The following GPATCH2 variants were observed in gnomAD, a reference collection of about 807,000 sequenced individuals.
GPATCH2 encodes the protein G-patch domain containing 2.
GPATCH2 carries 51 observed loss-of-function variants against 58.0 expected under a neutral mutation model. The observed-to-expected ratio is 0.88, with a 90% CI of 0.70 to 1.11. GPATCH2 has a LOEUF of 1.11. Ranked by LOEUF, GPATCH2 falls within the 50% of genes most tolerant of loss-of-function variation. The pLI, the probability that GPATCH2 is intolerant of heterozygous loss-of-function variation, is 0.00. For synonymous variants in GPATCH2, 222 were observed against 218.5 expected (o/e 1.02, Z -0.14); for missense variants, 625 against 652.2 (o/e 0.96, Z 0.45).
At chr1:217,541,471 C>T (rs1431484270) in intron 5 of GPATCH2, among the ~76,000 whole-genome samples, 1 of 152,114 alleles carries the variant, frequency 6.6e-6, no homozygotes, top group African/African-American at 2.4e-5. Context: ...GATGTCCTGT[C>T]ACAGCAGTTA....
intron 5 of GPATCH2, among the ~76,000 whole-genome samples, chr1:217,570,084 A>G (rs1195863040): frequency 6.6e-6 from 1 of 152,104 alleles, no homozygotes; most frequent in Non-Finnish European, 1.5e-5. Flanking sequence ...AGATATTTTG[A>G]TCAATAAATG....
chr1:217,619,301 A>G (rs1669064026), intron 2 of GPATCH2, among the ~76,000 whole-genome samples: 2 of 152,206 alleles, frequency 1.3e-5, no homozygotes, highest in African/African-American at 4.8e-5. Flanking sequence ...TTTAAAATTC[A>G]TAAGTGATCA....
chr1:217,463,669 A>G (rs2102491262), intron 8 of GPATCH2, among the ~76,000 whole-genome samples: 1 of 148,472 alleles, frequency 6.7e-6, no homozygotes, highest in East Asian at 2.0e-4. Context: ...AAAAAAAAAA[A>G]AAAAAGGCAG....
chr1:217,451,477 T>C (rs1219343694), intron 8 of GPATCH2, among the ~76,000 whole-genome samples: 1 of 152,234 alleles, frequency 6.6e-6, no homozygotes, highest in African/African-American at 2.4e-5. Context: ...TTACTCCATA[T>C]ACACTTGAGC....
chr1:217,530,468 A>G (rs1664134809), intron 5 of GPATCH2, among the ~76,000 whole-genome samples: 1 of 152,184 alleles, frequency 6.6e-6, no homozygotes, highest in Non-Finnish European at 1.5e-5. Flanking sequence ...GCAAAGTACA[A>G]TCTCAATAAT....
At chr1:217,584,350 T>TAC (rs1319596559) in intron 5 of GPATCH2, among the ~76,000 whole-genome samples, 1 of 56,450 alleles carries the variant, frequency 1.8e-5, no homozygotes, top group Non-Finnish European at 3.9e-5. Context: ...AAAAAATATA[T>TAC]ATATATATAT....
intron 8 of GPATCH2, among the ~76,000 whole-genome samples, chr1:217,468,560 C>G (rs200598849): frequency 0.012 from 1,435 of 115,200 alleles, 13 homozygotes; most frequent in Middle Eastern, 0.057. Context: ...CACACACACA[C>G]ACAGAGAGAA....
At chr1:217,446,097 C>G (rs1659375856) in intron 9 of GPATCH2, among the ~76,000 whole-genome samples, 1 of 152,044 alleles carries the variant, frequency 6.6e-6, no homozygotes, top group Admixed American at 6.6e-5. Flanking sequence ...ACATATAAAT[C>G]AGAGGGGATT....
At chr1:217,507,528 T>G (rs1662622041) in intron 6 of GPATCH2, among the ~76,000 whole-genome samples, 1 of 152,196 alleles carries the variant, frequency 6.6e-6, no homozygotes, top group South Asian at 2.1e-4. Flanking sequence ...GAGTCTCAGT[T>G]TCTTCCTCAT....
At chr1:217,516,783 C>T (rs548945839) in intron 5 of GPATCH2, among the ~76,000 whole-genome samples, 3 of 152,252 alleles carry the variant, frequency 2.0e-5, no homozygotes, top group African/African-American at 7.2e-5. Flanking sequence ...TATCAGAAAA[C>T]TAAACTTTTT....
At chr1:217,542,417 T>C (rs751859717) in intron 5 of GPATCH2, among the ~76,000 whole-genome samples, 2 of 152,156 alleles carry the variant, frequency 1.3e-5, no homozygotes, top group Non-Finnish European at 2.9e-5. Context: ...GTGAAAGTCA[T>C]CAAGAATCAA....
intron 2 of GPATCH2, among the ~76,000 whole-genome samples, chr1:217,618,273 G>A (rs892747995): frequency 1.4e-5 from 2 of 144,382 alleles, no homozygotes; most frequent in African/African-American, 2.6e-5. Flanking sequence ...GCAGTGGCAC[G>A]ATCTTGGATG....
chr1:217,624,907 T>A (rs146767692), intron 1 of GPATCH2, among the ~76,000 whole-genome samples: 347 of 152,336 alleles, frequency 2.3e-3, no homozygotes, highest in African/African-American at 8.0e-3. Context: ...AGTTCATCAA[T>A]AGTTTTATTA....
chr1:217,594,062 C>T (rs547848729), intron 5 of GPATCH2, among the ~76,000 whole-genome samples: 49 of 152,134 alleles, frequency 3.2e-4, no homozygotes, highest in Non-Finnish European at 5.7e-4. Context: ...TAGAATAATA[C>T]AGAACAATTA....
At chr1:217,570,659 G>C (rs1054571988) in intron 5 of GPATCH2, among the ~76,000 whole-genome samples, 3 of 152,112 alleles carry the variant, frequency 2.0e-5, no homozygotes, top group Non-Finnish European at 2.9e-5. Context: ...CCAACAAAGC[G>C]ATGGCGAGTG....
chr1:217,485,020 T>C (rs867923640), intron 8 of GPATCH2, among the ~76,000 whole-genome samples: 2 of 152,142 alleles, frequency 1.3e-5, no homozygotes, highest in Non-Finnish European at 2.9e-5. Context: ...AATTGGCTCA[T>C]GTGATTATGG....
intron 5 of GPATCH2, among the ~76,000 whole-genome samples, chr1:217,582,060 T>A (rs1667107605): frequency 6.6e-6 from 1 of 152,194 alleles, no homozygotes; most frequent in Admixed American, 6.5e-5. Flanking sequence ...AAGTAAAAAG[T>A]AAAAGTAATA....
chr1:217,562,522 A>C (rs1362447199), intron 5 of GPATCH2, among the ~76,000 whole-genome samples: 1 of 152,190 alleles, frequency 6.6e-6, no homozygotes, highest in East Asian at 1.9e-4. Flanking sequence ...GGTTTTAAGG[A>C]TAGAAAGAGA....
chr1:217,445,038 G>C (rs1297153831), intron 9 of GPATCH2, among the ~76,000 whole-genome samples: 3 of 151,836 alleles, frequency 2.0e-5, no homozygotes, highest in Admixed American at 1.3e-4. Context: ...AGGACGTGGA[G>C]AAAAAAGTTG....
Sources: allele counts gnomAD v4.1 joint callset (sites outside exome capture counted in the v4.1 genomes callset), GRCh38; gene constraint gnomAD v4.1.1; transcripts MANE v1.5; gene names NCBI Gene and HGNC (gene_info 2026-07-23, HGNC 2026-07-21).